GPC5: variants seen among roughly 807,000 people sequenced by gnomAD.
GPC5 encodes the protein glypican-5.
GPC5 carries 47 observed loss-of-function variants against 53.9 expected under a neutral mutation model. The ratio of observed to expected loss-of-function variants is 0.87; its 90% CI spans 0.69 to 1.11. The LOEUF is 1.11. GPC5 is among the 50% of genes most tolerant of loss of function. GPC5 has a pLI of 0.00. For missense variants in GPC5, 748 were observed against 713.1 expected, an observed-to-expected ratio of 1.05 and a Z score of -0.56; for synonymous variants, 286 against 263.3, an observed-to-expected ratio of 1.09 and a Z score of -0.84.
In GPC5 at chr13:92,562,368, C is replaced by T. The variant is rs1197167966; in HGVS notation, c.1562-303914C>T. Among the ~76,000 whole-genome samples, 3 of 152,082 alleles carry T rather than the reference C, an allele frequency of 2.0e-5. No homozygotes were observed. In the South Asian group the frequency reaches 6.2e-4, roughly 31 times the overall value. On this transcript the variant is annotated intron_variant, in intron 7 of 7. Coordinates refer to ENST00000377067, the MANE Select transcript of GPC5 (RefSeq NM_004466.6). ...CATATTCTCTCCACTCTCAGTCCTTCTGGTGCCTATTCACCTCACATAGGC... is the reference window on the plus strand; with the variant it reads ...CATATTCTCTCCACTCTCAGTCCTTTTGGTGCCTATTCACCTCACATAGGC...
At chr13:92,284,115 A>G (rs888347400) in intron 7 of GPC5, among the ~76,000 whole-genome samples, 11 of 152,236 alleles carry the variant, frequency 7.2e-5, no homozygotes, top group African/African-American at 2.7e-4. Context: ...AAACACCTCT[A>G]TGCAAATAAA....
chr13:91,533,317 A>C (rs1322866973), intron 2 of GPC5, among the ~76,000 whole-genome samples: 1 of 152,204 alleles, frequency 6.6e-6, no homozygotes, highest in African/African-American at 2.4e-5. Flanking sequence ...GAGTGTTATA[A>C]TCATTGGGCT....
At chr13:92,625,821 A>G (rs957809697) in intron 7 of GPC5, among the ~76,000 whole-genome samples, 1 of 152,196 alleles carries the variant, frequency 6.6e-6, no homozygotes, top group Non-Finnish European at 1.5e-5. Flanking sequence ...CTTTTGGTCC[A>G]AGGGACAGAG....
intron 7 of GPC5, among the ~76,000 whole-genome samples, chr13:92,442,996 G>A (rs1454592745): frequency 6.6e-6 from 1 of 152,164 alleles, no homozygotes; most frequent in Non-Finnish European, 1.5e-5. Context: ...GAATACCGGA[G>A]GCTGGGTAAT....
At chr13:92,619,998 T>C (rs539405375) in intron 7 of GPC5, among the ~76,000 whole-genome samples, 122 of 152,196 alleles carry the variant, frequency 8.0e-4, no homozygotes, top group African/African-American at 2.9e-3. Context: ...ATCACTTTTC[T>C]TTAGAAAGAC....
At chr13:92,166,944 TCTCTCTCTCTCTCACA>T (rs1264865390) in intron 7 of GPC5, among the ~76,000 whole-genome samples, 249 of 130,656 alleles carry the variant, frequency 1.9e-3, no homozygotes, top group African/African-American at 5.5e-3. Context: ...TCTCTCTCTC[TCTCTCTCTCTCTCACA>T]CACACACACA....
intron 7 of GPC5, among the ~76,000 whole-genome samples, chr13:92,596,619 G>A (rs55857151): frequency 0.01 from 1,567 of 152,042 alleles, 12 homozygotes; most frequent in South Asian, 0.016. Context: ...GACAACATGC[G>A]CACGCCACCA....
intron 6 of GPC5, among the ~76,000 whole-genome samples, chr13:91,999,820 C>A (rs1033551639): frequency 3.9e-5 from 6 of 152,290 alleles, no homozygotes; most frequent in African/African-American, 1.4e-4. Flanking sequence ...GCACTATATT[C>A]TGTAGTGGCA....
intron 7 of GPC5, among the ~76,000 whole-genome samples, chr13:92,813,313 T>A (rs1877359704): frequency 6.6e-6 from 1 of 151,770 alleles, no homozygotes; most frequent in African/African-American, 2.4e-5. Flanking sequence ...TTTTGTAATC[T>A]TTTTTTTAGT....
At position 92,710,712 on chromosome 13, in the gene GPC5, G is replaced by A. The variant is rs376476034; in HGVS notation, c.1562-155570G>A. 2.6e-5 allele frequency among the ~76,000 whole-genome samples: 4 copies of A among 152,226 alleles called. No individual in the cohort carries two copies. The South Asian group carries it at 8.3e-4, about 32-fold the overall frequency. ...AGATGCTAATTCAGCAAACCTATTG[G>A]CATCTAGTTATATAGGTTTTAATGA... On this transcript the variant is annotated intron_variant, in intron 7 of 7. Transcript: ENST00000377067.
intron 6 of GPC5, among the ~76,000 whole-genome samples, chr13:92,061,548 T>C (rs1056555973): frequency 2.0e-5 from 3 of 152,054 alleles, no homozygotes; most frequent in African/African-American, 7.3e-5. Flanking sequence ...AACGAAATTA[T>C]TGAAATCAAG....
intron 7 of GPC5, among the ~76,000 whole-genome samples, chr13:92,325,202 C>T (rs999994578): frequency 2.0e-5 from 3 of 151,344 alleles, no homozygotes; most frequent in Non-Finnish European, 2.9e-5. Flanking sequence ...TAAGAGTCTC[C>T]GTATACACAT....
chr13:92,814,672 T>A (rs905929492), intron 7 of GPC5, among the ~76,000 whole-genome samples: 4 of 148,770 alleles, frequency 2.7e-5, no homozygotes, highest in South Asian at 2.1e-4. Flanking sequence ...AAAAAAAAAA[T>A]AAAAAATAAA....
At chr13:92,611,933 T>C (rs549120221) in intron 7 of GPC5, among the ~76,000 whole-genome samples, 2 of 152,098 alleles carry the variant, frequency 1.3e-5, no homozygotes, top group Non-Finnish European at 2.9e-5. Context: ...GAATCAACCA[T>C]GAAAATTGCA....
At chr13:92,648,693 C>T (rs897565741) in intron 7 of GPC5, among the ~76,000 whole-genome samples, 71 of 152,178 alleles carry the variant, frequency 4.7e-4, no homozygotes, top group African/African-American at 1.7e-3. Flanking sequence ...TTTAATAGAA[C>T]AAAACTCAAG....
chr13:91,976,430 A>G (rs1485000838), intron 6 of GPC5, among the ~76,000 whole-genome samples: 1 of 152,196 alleles, frequency 6.6e-6, no homozygotes, highest in East Asian at 1.9e-4. Flanking sequence ...GAAGGCTTTA[A>G]TTGGGTGCCA....
chr13:91,919,108 C>A (rs758352901), intron 6 of GPC5, among the ~76,000 whole-genome samples: 2 of 152,150 alleles, frequency 1.3e-5, no homozygotes, highest in Non-Finnish European at 2.9e-5. Flanking sequence ...AAGCCTATTT[C>A]TTGGGTGTCA....
chr13:91,546,929 C>T (rs1296030171), intron 2 of GPC5, among the ~76,000 whole-genome samples: 1 of 151,858 alleles, frequency 6.6e-6, no homozygotes, highest in African/African-American at 2.4e-5. Context: ...AGTAATCTTC[C>T]TTGGAATAAG....
chr13:92,631,801 G>A (rs1033119874), intron 7 of GPC5, among the ~76,000 whole-genome samples: 1 of 152,146 alleles, frequency 6.6e-6, no homozygotes, highest in South Asian at 2.1e-4. Context: ...CTCATGCGAT[G>A]TATCACAGCC....
Sources: gnomAD v4.1 joint callset for allele counts (sites outside exome capture counted in the v4.1 genomes callset) on GRCh38, gnomAD v4.1.1 for gene constraint, MANE v1.5 for transcripts, NCBI Gene and HGNC (gene_info 2026-07-23, HGNC 2026-07-21) for gene names.